Variants in ARFGEF1 observed in about 807,000 individuals in gnomAD.
ARFGEF1 encodes brefeldin A-inhibited guanine nucleotide-exchange protein 1.
In ARFGEF1, 42 loss-of-function variants were observed where a neutral mutation model predicts 231.0. That is an observed-to-expected ratio of 0.18 (90% CI 0.14 to 0.24). The LOEUF (loss-of-function observed/expected upper bound fraction) is 0.24. ARFGEF1 is among the 10% of genes least tolerant of loss of function. The probability of loss-of-function intolerance (pLI) is 1.00; values close to 1 mark genes in which losing one functional copy is unlikely to be tolerated. For synonymous variants in ARFGEF1, 710 were observed against 732.3 expected, an observed-to-expected ratio of 0.97 and a Z score of 0.49; for missense variants, 1,345 against 2,192.0, an observed-to-expected ratio of 0.61 and a Z score of 7.72.
chr8:67,234,137 C>T (rs994192789), intron 22 of ARFGEF1, among the ~76,000 whole-genome samples: 1 of 152,096 alleles, frequency 6.6e-6, no homozygotes, highest in Non-Finnish European at 1.5e-5. Context: ...TCAATAAATG[C>T]CCTTCTGAAT....
At chr8:67,223,997 T>A (rs959598635) in intron 29 of ARFGEF1, among the ~76,000 whole-genome samples, 1 of 152,208 alleles carries the variant, frequency 6.6e-6, no homozygotes, top group African/African-American at 2.4e-5. Context: ...ATTTCTGTTG[T>A]AACAAATAAT....
At position 67,216,649 on chromosome 8, in the gene ARFGEF1, G is replaced by T. The variant is rs749942462; in HGVS notation, c.4627C>A (p.Arg1543=). 6 of 1,607,826 alleles carry T rather than the reference G, an allele frequency of 3.7e-6. No individual in the cohort carries two copies. The Admixed American group carries it at 5.1e-5, about 14-fold the overall frequency. ...GGGGCAGTTTCTCCAGAATTGGGTC[G>T]CCAGGTCAACAGCCTTTAAGATACC... ...TTIPHALLTW[R]PNSGETAPPP... The change falls in exon 33 of 39, where the codon CGA becomes AGA. Residue 1543 remains arginine (R), a synonymous_variant. Coordinates refer to ENST00000262215, the MANE Select transcript of ARFGEF1 (RefSeq NM_006421.5).
chr8:67,308,408 G>C (rs1806844452), intron 1 of ARFGEF1, among the ~76,000 whole-genome samples: 1 of 152,200 alleles, frequency 6.6e-6, no homozygotes, highest in Non-Finnish European at 1.5e-5. Context: ...GGATTGCCAG[G>C]ATCATGGAAA....
chr8:67,215,667 C>T (rs974746420), intron 33 of ARFGEF1, among the ~76,000 whole-genome samples: 1 of 152,128 alleles, frequency 6.6e-6, no homozygotes, highest in African/African-American at 2.4e-5. Flanking sequence ...TGTCAACAGC[C>T]GCCAGAAGCT....
At chr8:67,329,555 A>G (rs543485296) in intron 1 of ARFGEF1, among the ~76,000 whole-genome samples, 2 of 149,782 alleles carry the variant, frequency 1.3e-5, no homozygotes, top group East Asian at 3.9e-4. Context: ...TAAATAAATA[A>G]ATAAATAAAT....
chr8:67,190,546 T>C, intron 5 of ARFGEF1: 1 of 795,508 alleles, frequency 1.3e-6, no homozygotes, highest in Non-Finnish European at 2.2e-6. Flanking sequence ...GTGTGTTTCA[T>C]GGTATTGTAA....
At chr8:67,217,121 G>T (rs749272324) in intron 32 of ARFGEF1, among the ~76,000 whole-genome samples, 15 of 151,734 alleles carry the variant, frequency 9.9e-5, no homozygotes, top group Non-Finnish European at 1.9e-4. Flanking sequence ...CCTGACCAAC[G>T]TGGAGAAACC....
rs1374008083 is a variant in ARFGEF1, at chr8:67,311,179, C to T, written c.125-8713G>A. On this transcript the variant is annotated intron_variant, in intron 1 of 38. Coordinates refer to ENST00000262215, the MANE Select transcript of ARFGEF1 (RefSeq NM_006421.5). Reference sequence around the variant, plus strand: ...GTGAGGGGCGCCTCTGCCCGGCCGCCCCCACTGGGAAGTGAGGAGCCCCTC... The same window carrying T: ...GTGAGGGGCGCCTCTGCCCGGCCGCTCCCACTGGGAAGTGAGGAGCCCCTC... Among the ~76,000 whole-genome samples, 8 of 149,072 alleles carry T rather than the reference C, an allele frequency of 5.4e-5. No homozygotes were observed. The South Asian group carries it at 1.1e-3, about 20-fold the overall frequency.
intron 1 of ARFGEF1, among the ~76,000 whole-genome samples, chr8:67,307,177 T>C (rs558721416): frequency 2.0e-5 from 3 of 152,370 alleles, no homozygotes; most frequent in East Asian, 1.9e-4. Flanking sequence ...TCAATTACCA[T>C]AATGCCGCTA....
chr8:67,301,489 G>C (rs1806487539), intron 2 of ARFGEF1, 109 bp from the exon 3 acceptor site: 10 of 1,172,602 alleles, frequency 8.5e-6, no homozygotes, highest in Non-Finnish European at 1.2e-5. Context: ...TGCTAAACCA[G>C]TCCTCTATCT....
chr8:67,175,399 GA>G (rs1831358925), downstream of ARFGEF1: 1 of 1,614,104 alleles, frequency 6.2e-7, no homozygotes, highest in African/African-American at 1.3e-5. Context: ...AGCAGCAGAA[GA>G]GGCTGAACAG....
downstream of ARFGEF1, chr8:67,174,185 G>A (rs192899625): frequency 1.3e-5 from 2 of 152,032 alleles, no homozygotes; most frequent in Admixed American, 6.6e-5. Context: ...GGTTGGTATT[G>A]TTTTTTTAAT....
chr8:67,218,913 C>G (rs1839050804), intron 30 of ARFGEF1, among the ~76,000 whole-genome samples: 1 of 152,116 alleles, frequency 6.6e-6, no homozygotes, highest in African/African-American at 2.4e-5. Context: ...CAGAAAAACA[C>G]TGAAAACAAA....
chr8:67,222,178 T>C (rs868181502), intron 29 of ARFGEF1, among the ~76,000 whole-genome samples: 34 of 112,436 alleles, frequency 3.0e-4, no homozygotes, highest in South Asian at 6.1e-4. Context: ...TATATATATA[T>C]ACACATATAT....
downstream of ARFGEF1, chr8:67,195,626 T>C (rs1199053244): frequency 6.3e-7 from 1 of 1,582,326 alleles, no homozygotes; most frequent in East Asian, 2.2e-5. Context: ...TAGTGCCTTT[T>C]AAGGTGAAAG....
intron 1 of ARFGEF1, among the ~76,000 whole-genome samples, chr8:67,338,515 T>C (rs777014867): frequency 1.3e-5 from 2 of 152,216 alleles, no homozygotes; most frequent in African/African-American, 4.8e-5. Flanking sequence ...TCATGTGCAT[T>C]ATAAATTTCC....
Position 67,273,419 on chromosome 8 carries a change from CAAAAAAA to C in ARFGEF1, c.1338-1490_1338-1484del, listed in dbSNP as rs58580002. On this transcript the variant is annotated intron_variant, in intron 9 of 38. Transcript: ENST00000262215. ...TAGCAGTTGGTTTTTTTTTTTTTCCCAAAAAAAAAAAAAAAAAAAAAAAAAAGTAGCC... is the reference window on the plus strand; with the variant it reads ...TAGCAGTTGGTTTTTTTTTTTTTCCCAAAAAAAAAAAAAAAAAAAGTAGCC... Among the ~76,000 whole-genome samples, 75 of 56,620 alleles carry C rather than the reference CAAAAAAA, an allele frequency of 1.3e-3. 1 individual carries two copies. Among genetic ancestry groups the C allele is most frequent in the African/African-American group, 4.8e-3 (71 of 14,940 alleles). The allele number at this position is 56,620 out of a possible 152,430, so 37.1% of individuals were successfully genotyped here.
intron 34 of ARFGEF1, among the ~76,000 whole-genome samples, chr8:67,208,608 C>CGACA (rs1348594954): frequency 7.5e-6 from 1 of 133,594 alleles, no homozygotes; most frequent in Non-Finnish European, 1.5e-5. Context: ...CCAGCCTGAG[C>CGACA]GACAGAGTGA....
intron 1 of ARFGEF1, among the ~76,000 whole-genome samples, chr8:67,328,470 CTGAT>C (rs1807943454): frequency 6.8e-6 from 1 of 148,058 alleles, no homozygotes; most frequent in Non-Finnish European, 1.5e-5. Context: ...CAGCATCTCT[CTGAT>C]TATTGTTTTG....
Sources: allele counts gnomAD v4.1 joint callset (sites outside exome capture counted in the v4.1 genomes callset), GRCh38; gene constraint gnomAD v4.1.1; transcripts MANE v1.5; gene names NCBI Gene and HGNC (gene_info 2026-07-23, HGNC 2026-07-21).